The following ABLIM1 variants were observed in gnomAD, a reference collection of about 807,000 sequenced individuals.
ABLIM1 encodes the protein actin-binding LIM protein 1.
A neutral mutation model predicts 107.0 loss-of-function variants in ABLIM1; 40 were observed. The observed-to-expected ratio is 0.37, with a 90% CI of 0.29 to 0.49. The LOEUF (loss-of-function observed/expected upper bound fraction) is 0.49, where lower values mean the gene tolerates loss of function less well. Ranked by LOEUF, ABLIM1 falls within the 20% of genes least tolerant of loss-of-function variation. The pLI, the probability that ABLIM1 is intolerant of heterozygous loss-of-function variation, is 0.97. For missense variants in ABLIM1, 857 were observed against 1,008.5 expected (o/e 0.85, Z 2.04); for synonymous variants, 357 against 357.3 (o/e 1.00, Z 0.01).
intron 1 of ABLIM1, among the ~76,000 whole-genome samples, chr10:114,734,673 C>T (rs17092366): frequency 6.6e-6 from 1 of 152,138 alleles, no homozygotes; most frequent in Admixed American, 6.5e-5. Context: ...CTTTCCTGCC[C>T]GTGACATGAC....
intron 16 of ABLIM1, 95 bp downstream of exon 16, chr10:114,445,217 C>T: frequency 8.8e-7 from 1 of 1,136,458 alleles, no homozygotes; most frequent in Non-Finnish European, 1.3e-6. Context: ...CCACCTCTTG[C>T]CTATCTAGAT....
upstream of ABLIM1, among the ~76,000 whole-genome samples, chr10:114,769,221 G>A (rs1346986449): frequency 2.7e-5 from 4 of 147,436 alleles, no homozygotes; most frequent in East Asian, 2.0e-4. Context: ...CTTGGTGACC[G>A]GTGCTTGTAA....
At chr10:114,672,258 T>C (rs2080288652) in intron 1 of ABLIM1, among the ~76,000 whole-genome samples, 1 of 152,068 alleles carries the variant, frequency 6.6e-6, no homozygotes, top group South Asian at 2.1e-4. Flanking sequence ...TGGAGTGCAG[T>C]GGTGTAATTT....
At chr10:114,539,960 C>T (rs1265554801) in intron 6 of ABLIM1, among the ~76,000 whole-genome samples, 2 of 152,204 alleles carry the variant, frequency 1.3e-5, no homozygotes, top group South Asian at 2.1e-4. Flanking sequence ...GAGTATCTCA[C>T]ACTAATTTGC....
intron 6 of ABLIM1, among the ~76,000 whole-genome samples, chr10:114,520,454 T>C (rs1486368007): frequency 1.3e-5 from 2 of 151,986 alleles, no homozygotes; most frequent in Non-Finnish European, 2.9e-5. Context: ...GGTGGTTTCC[T>C]TGGTGTAAGT....
chr10:114,554,427 C>T (rs1487482092), intron 4 of ABLIM1, among the ~76,000 whole-genome samples: 3 of 152,202 alleles, frequency 2.0e-5, no homozygotes, highest in Admixed American at 1.3e-4. Flanking sequence ...GGCACAGTGG[C>T]TCACACCTTA....
intron 1 of ABLIM1, chr10:114,632,751 T>C (rs1040131549): frequency 1.0e-5 from 10 of 985,238 alleles, no homozygotes; most frequent in African/African-American, 1.7e-5. Context: ...TCTCCCTCTG[T>C]TTCATCGGAG....
At chr10:114,780,371 C>A in the ABLIM1 span, among the ~76,000 whole-genome samples, 2 of 152,174 alleles carry the variant, frequency 1.3e-5, no homozygotes, top group East Asian at 3.9e-4. Flanking sequence ...AATCAGGCAA[C>A]AACTCAATCT....
chr10:114,598,259 A>G (rs2139842895), intron 2 of ABLIM1, among the ~76,000 whole-genome samples: 1 of 110,666 alleles, frequency 9.0e-6, no homozygotes, highest in East Asian at 2.7e-4. Context: ...GGGCAACAAG[A>G]GTGAAACTCC....
chr10:114,439,043 G>C, intron 21 of ABLIM1, 133 bp downstream of exon 21: 1 of 1,005,902 alleles, frequency 9.9e-7, no homozygotes, highest in East Asian at 2.6e-5. Context: ...GAATGGCAAG[G>C]TGCATATTCA....
intron 21 of ABLIM1, among the ~76,000 whole-genome samples, chr10:114,438,660 G>C (rs980800870): frequency 6.6e-6 from 1 of 152,206 alleles, no homozygotes; most frequent in African/African-American, 2.4e-5. Context: ...TATGGGGCCA[G>C]GCAGGCCCAG....
chr10:114,517,742 T>C (rs1351915778), intron 6 of ABLIM1, among the ~76,000 whole-genome samples: 1 of 152,202 alleles, frequency 6.6e-6, no homozygotes, highest in Admixed American at 6.5e-5. Context: ...ATGTTGAAGC[T>C]AAAGTTTGTC....
At chr10:114,446,646 G>C (rs1026401462) in intron 15 of ABLIM1, among the ~76,000 whole-genome samples, 1 of 148,172 alleles carries the variant, frequency 6.7e-6, no homozygotes, top group Non-Finnish European at 1.5e-5. Flanking sequence ...AAACTACTTA[G>C]TGATAATAAA....
intron 1 of ABLIM1, among the ~76,000 whole-genome samples, chr10:114,640,903 C>A (rs2078716021): frequency 6.6e-6 from 1 of 152,166 alleles, no homozygotes; most frequent in Non-Finnish European, 1.5e-5. Flanking sequence ...AGGGGTCCCA[C>A]CTTTTCCTTT....
At chr10:114,704,191 T>C (rs952866149) in intron 1 of ABLIM1, among the ~76,000 whole-genome samples, 1 of 151,260 alleles carries the variant, frequency 6.6e-6, no homozygotes, top group Non-Finnish European at 1.5e-5. Context: ...ATAATTTATT[T>C]GGCATTTGTG....
chr10:114,659,145 A>G (rs2079666893), upstream of ABLIM1, among the ~76,000 whole-genome samples: 1 of 152,166 alleles, frequency 6.6e-6, no homozygotes, highest in South Asian at 2.1e-4. Context: ...TTAAAACCCT[A>G]GAATAGAATT....
At chr10:114,678,464 T>G (rs1475074371) in intron 1 of ABLIM1, among the ~76,000 whole-genome samples, 2 of 152,252 alleles carry the variant, frequency 1.3e-5, no homozygotes, top group Non-Finnish European at 2.9e-5. Context: ...TTCTTATTTC[T>G]TTCAGTAGTC....
intron 1 of ABLIM1, among the ~76,000 whole-genome samples, chr10:114,663,379 G>A (rs2079875551): frequency 1.3e-5 from 2 of 152,188 alleles, no homozygotes; most frequent in African/African-American, 2.4e-5. Context: ...TGGAGTGCAG[G>A]AGCCTTGCCT....
intron 1 of ABLIM1, among the ~76,000 whole-genome samples, chr10:114,757,030 A>C (rs966303047): frequency 6.6e-6 from 1 of 152,206 alleles, no homozygotes; most frequent in Non-Finnish European, 1.5e-5. Context: ...TTCATATTTC[A>C]ATAGTGTTTT....
Sources: gnomAD v4.1 joint callset for allele counts (sites outside exome capture counted in the v4.1 genomes callset) on GRCh38, gnomAD v4.1.1 for gene constraint, MANE v1.5 for transcripts, NCBI Gene and HGNC (gene_info 2026-07-23, HGNC 2026-07-21) for gene names.